The following ADAMTS17 variants were observed in gnomAD, a reference collection of about 807,000 sequenced individuals.
The protein encoded by ADAMTS17 is ADAM metallopeptidase with thrombospondin type 1 motif 17.
Under a neutral mutation model 141.5 loss-of-function variants are expected in ADAMTS17, and 113 were observed. That is an observed-to-expected ratio of 0.80 (90% CI 0.69 to 0.93). ADAMTS17 has a LOEUF of 0.93. Ranked by LOEUF, ADAMTS17 falls within the 40% of genes least tolerant of loss-of-function variation. The probability of loss-of-function intolerance (pLI) is 0.00; values close to 1 mark genes in which losing one functional copy is unlikely to be tolerated. For missense variants in ADAMTS17, 1,659 were observed against 1,517.9 expected, an observed-to-expected ratio of 1.09 and a Z score of -1.54; for synonymous variants, 768 against 630.6, an observed-to-expected ratio of 1.22 and a Z score of -3.27.
intron 10 of ADAMTS17, among the ~76,000 whole-genome samples, chr15:100,140,486 TAC>T (rs1443112375): frequency 1.9e-4 from 10 of 53,548 alleles, no homozygotes; most frequent in South Asian, 7.8e-4. Flanking sequence ...CACACATACA[TAC>T]ATATATATAT....
intron 3 of ADAMTS17, among the ~76,000 whole-genome samples, chr15:100,301,594 G>C (rs575609283): frequency 6.6e-6 from 1 of 151,032 alleles, no homozygotes; most frequent in Non-Finnish European, 1.5e-5. Flanking sequence ...GCCTCCCAAA[G>C]CGCTGGGATT....
At chr15:100,196,912 A>G (rs942350289) in intron 8 of ADAMTS17, among the ~76,000 whole-genome samples, 5 of 152,222 alleles carry the variant, frequency 3.3e-5, no homozygotes, top group Non-Finnish European at 7.3e-5. Context: ...TTACCCAAAG[A>G]GGGGGAGGGC....
intron 12 of ADAMTS17, among the ~76,000 whole-genome samples, chr15:100,131,050 G>C (rs2038013639): frequency 1.3e-5 from 2 of 152,184 alleles, no homozygotes; most frequent in South Asian, 2.1e-4. Context: ...AAAAAGGATG[G>C]GTTCATGTCC....
Position 100,132,068 on chromosome 15 carries a change from T to C in ADAMTS17, c.1660A>G (p.Met554Val). ...CCCGTCCCACATGTTCGGCTGCACA[T>C]GCTCCAGGCGCCCCACGGGCTCCAG... is the stretch of plus-strand genomic sequence containing the variant. ...GDWSPWGAWSMCSRTCGTGAR... is the reference protein window; with the variant it reads ...GDWSPWGAWSVCSRTCGTGAR... Residue 554 changes from methionine to valine, a missense_variant, in exon 12 of 22, where the codon ATG becomes GTG. Physicochemically the swap from Met to Val is conservative, Grantham distance 21. Transcript: ENST00000268070. 1 of 1,613,704 alleles carries C rather than the reference T, an allele frequency of 6.2e-7. No individual in the cohort carries two copies. The highest frequency in any genetic ancestry group is 8.5e-7 in the Non-Finnish European group (1 of 1,179,582).
intron 8 of ADAMTS17, among the ~76,000 whole-genome samples, chr15:100,159,102 C>G (rs1336373003): frequency 1.3e-5 from 2 of 152,144 alleles, no homozygotes; most frequent in South Asian, 2.1e-4. Flanking sequence ...ACTGCATGAT[C>G]CAACAATTCT....
At position 100,002,334 on chromosome 15, in the gene ADAMTS17, C is replaced by G. The variant is rs551026349; in HGVS notation, c.2592-4745G>C. On this transcript the variant is annotated intron_variant, in intron 18 of 21. Coordinates refer to ENST00000268070, the MANE Select transcript of ADAMTS17 (RefSeq NM_139057.4). ...TTTGCTTGTGCTGTGCTTCCAGGGCCAAGCCTGAGAAGTGGGGCCCCTCTG... is the reference window on the plus strand; with the variant it reads ...TTTGCTTGTGCTGTGCTTCCAGGGCGAAGCCTGAGAAGTGGGGCCCCTCTG... Among the ~76,000 whole-genome samples the G allele has an allele frequency of 3.4e-4, 52 of 152,152 alleles. 4 individuals are homozygous for G. The highest frequency in any genetic ancestry group is 1.3e-3 in the African/African-American group (52 of 41,434).
intron 18 of ADAMTS17, among the ~76,000 whole-genome samples, chr15:100,002,396 C>T (rs2060947114): frequency 6.6e-6 from 1 of 152,046 alleles, no homozygotes; most frequent in African/African-American, 2.4e-5. Flanking sequence ...ATGCCGTAGG[C>T]CACAGGGTGC....
At chr15:100,154,988 G>A (rs893374478) in intron 9 of ADAMTS17, among the ~76,000 whole-genome samples, 192 bp downstream of exon 9, 19 of 152,216 alleles carry the variant, frequency 1.2e-4, no homozygotes, top group African/African-American at 4.6e-4. Flanking sequence ...TGCGCCCATC[G>A]CTGGAGCAGA....
chr15:100,059,230 C>G (rs146853026), intron 15 of ADAMTS17, among the ~76,000 whole-genome samples: 2 of 152,364 alleles, frequency 1.3e-5, no homozygotes, highest in Non-Finnish European at 2.9e-5. Context: ...TTGGGGTCAG[C>G]TCTCACAGCC....
rs139130670 is a variant in ADAMTS17 at position 100,323,381 on chromosome 15, C to T, written c.616+7508G>A. 5.3e-3 allele frequency among the ~76,000 whole-genome samples: 810 copies of T among 152,206 alleles called. 8 individuals carry two copies. Among genetic ancestry groups the T allele is most frequent in the African/African-American group, 0.019 (770 of 41,530 alleles). The stretch of plus-strand genomic sequence containing the variant: ...AGTAAACTTGTGTCTAAATTCTTAC[C>T]ACTATACTGTACTGCCTCTTTAGGG... On this transcript the variant is annotated intron_variant, in intron 3 of 21. Coordinates refer to ENST00000268070, the MANE Select transcript of ADAMTS17 (RefSeq NM_139057.4).
chr15:100,060,128 T>C (rs912383336), intron 15 of ADAMTS17, among the ~76,000 whole-genome samples: 4 of 152,226 alleles, frequency 2.6e-5, no homozygotes, highest in African/African-American at 4.8e-5. Flanking sequence ...GATTTGATTT[T>C]ATCTGTGAAT....
chr15:99,981,996 G>A (rs1356099876), intron 20 of ADAMTS17, among the ~76,000 whole-genome samples: 1 of 152,252 alleles, frequency 6.6e-6, no homozygotes, highest in Non-Finnish European at 1.5e-5. Context: ...AGGGGTGCCT[G>A]TTGGCATGCT....
At chr15:100,059,612 G>A (rs1486989934) in intron 15 of ADAMTS17, among the ~76,000 whole-genome samples, 2 of 152,168 alleles carry the variant, frequency 1.3e-5, no homozygotes, top group African/African-American at 4.8e-5. Context: ...GATTCCTTTG[G>A]GACGTCAAGA....
intron 4 of ADAMTS17, among the ~76,000 whole-genome samples, chr15:100,262,955 A>C (rs969229652): frequency 6.6e-6 from 1 of 152,200 alleles, no homozygotes; most frequent in Middle Eastern, 3.2e-3. Context: ...GGATTTGCCA[A>C]AAGAAAAATG....
At chr15:99,982,746 CTG>C (rs1423053378) in intron 20 of ADAMTS17, among the ~76,000 whole-genome samples, 1 of 152,290 alleles carries the variant, frequency 6.6e-6, no homozygotes, top group African/African-American at 2.4e-5. Context: ...ATGCAGGTAA[CTG>C]AGAGAAATGG....
At chr15:100,219,535 T>A (rs988725776) in intron 7 of ADAMTS17, among the ~76,000 whole-genome samples, 1 of 152,158 alleles carries the variant, frequency 6.6e-6, no homozygotes, top group African/African-American at 2.4e-5. Context: ...CAGAGAGCGT[T>A]ATCGTCCTCA....
intron 15 of ADAMTS17, among the ~76,000 whole-genome samples, chr15:100,090,700 T>C (rs1192011820): frequency 6.6e-6 from 1 of 152,088 alleles, no homozygotes; most frequent in East Asian, 1.9e-4. Flanking sequence ...ACGACAAGTT[T>C]CTCTGTTCAT....
chr15:100,029,396 C>T (rs2029907790), intron 18 of ADAMTS17, among the ~76,000 whole-genome samples: 2 of 152,316 alleles, frequency 1.3e-5, no homozygotes, highest in South Asian at 2.1e-4. Context: ...CACAAACCTT[C>T]CTGCTTTGTA....
chr15:100,019,268 G>A (rs1319781787), intron 18 of ADAMTS17, among the ~76,000 whole-genome samples: 1 of 152,094 alleles, frequency 6.6e-6, no homozygotes, highest in Admixed American at 6.6e-5. Context: ...AATTTGGGTG[G>A]GATGAGATGC....
Sources: allele counts gnomAD v4.1 joint callset (sites outside exome capture counted in the v4.1 genomes callset), GRCh38; gene constraint gnomAD v4.1.1; transcripts MANE v1.5; gene names NCBI Gene and HGNC (gene_info 2026-07-23, HGNC 2026-07-21).